TRIM22: variants seen among roughly 807,000 people sequenced by gnomAD.
The protein encoded by TRIM22 is E3 ubiquitin-protein ligase TRIM22.
Under a neutral mutation model 53.6 loss-of-function variants are expected in TRIM22, and 45 were observed. That is an observed-to-expected ratio of 0.84 (90% CI 0.66 to 1.08). The LOEUF (loss-of-function observed/expected upper bound fraction) is 1.08, where lower values mean the gene tolerates loss of function less well. TRIM22 is among the 50% of genes least tolerant of loss of function. TRIM22 has a pLI of 0.00. For synonymous variants in TRIM22, 225 were observed against 216.6 expected, an observed-to-expected ratio of 1.04 and a Z score of -0.34; for missense variants, 616 against 590.9, an observed-to-expected ratio of 1.04 and a Z score of -0.44.
At position 5,696,440 on chromosome 11, in the gene TRIM22, C is replaced by T; in HGVS notation, c.208C>T (p.Pro70Ser). The change falls in exon 2 of 8, where the codon CCT becomes TCT. Residue 70 changes from proline (P) to serine (S), a missense_variant. By Grantham distance (74) the Pro-to-Ser change is moderately conservative (BLOSUM62 -1). Coordinates refer to ENST00000379965, the MANE Select transcript of TRIM22 (RefSeq NM_006074.5). ...CAGATTCCAGCCTGGGAACCTCCGA[C>T]CTAATCGGCATCTGGCCAACATAGT... ...QTRFQPGNLR[P>S]NRHLANIVER... 1 of 1,614,246 alleles carries T rather than the reference C, an allele frequency of 6.2e-7. No homozygotes were observed.
chr11:5,706,702 T>TA, intron 5 of TRIM22, 86 bp downstream of exon 5: 1 of 1,348,196 alleles, frequency 7.4e-7, no homozygotes, highest in Non-Finnish European at 1.0e-6. Flanking sequence ...CAGAACAACT[T>TA]AAAAAATCAA....
chr11:5,703,082 T>C (rs1244957529), intron 4 of TRIM22, among the ~76,000 whole-genome samples: 2 of 152,210 alleles, frequency 1.3e-5, no homozygotes, highest in African/African-American at 4.8e-5. Context: ...ACAGGGAGTA[T>C]ATGTGCAGGT....
intron 4 of TRIM22, among the ~76,000 whole-genome samples, chr11:5,703,478 C>T (rs569145821): frequency 8.6e-5 from 13 of 151,922 alleles, no homozygotes; most frequent in Admixed American, 2.0e-4. Flanking sequence ...CTCTGCTTCC[C>T]GGGTTCAGGC....
At chr11:5,702,205 ATATACATAACTAG>A (rs1249550089) in intron 4 of TRIM22, among the ~76,000 whole-genome samples, 6 of 145,344 alleles carry the variant, frequency 4.1e-5, no homozygotes, top group Non-Finnish European at 7.5e-5. Context: ...TATATATTAT[ATATACATAACTAG>A]TATACATAAC....
chr11:5,700,605 T>TTTTTTTTC lies in TRIM22; in HGVS notation c.750+2060_750+2061insTTTTTTTC, dbSNP rs369811867. Among the ~76,000 whole-genome samples, 114 of 92,912 alleles carry TTTTTTTTC rather than the reference T, an allele frequency of 1.2e-3. 6 individuals are homozygous for TTTTTTTTC. Among genetic ancestry groups the TTTTTTTTC allele is most frequent in the African/African-American group, 1.5e-3 (33 of 22,694 alleles). The allele number at this position is 92,912 out of a possible 152,430, so 61.0% of individuals were successfully genotyped here. On this transcript the variant is annotated intron_variant, in intron 4 of 7. Transcript: ENST00000379965. ...GAGTCTTTTTTTTTTTTTTTTTTTT[T>TTTTTTTTC]CAGATTTGTAATGAAGTTGAGAAAC...
At chr11:5,692,142 C>T (rs926216056) in intron 1 of TRIM22, among the ~76,000 whole-genome samples, 7 of 152,116 alleles carry the variant, frequency 4.6e-5, no homozygotes. Flanking sequence ...AGTAAACCAG[C>T]AGTTTTAATG....
chr11:5,708,692 C>A, intron 7 of TRIM22, 89 bp downstream of exon 7: 1 of 1,185,554 alleles, frequency 8.4e-7, no homozygotes, highest in Non-Finnish European at 1.2e-6. Context: ...TGTTCCTCCC[C>A]AAACATGCTT....
chr11:5,698,112 T>A (rs1853299210), intron 3 of TRIM22: 2 of 544,668 alleles, frequency 3.7e-6, no homozygotes, highest in Non-Finnish European at 6.7e-6. Context: ...TCAATAAAAC[T>A]GACTTGAGTG....
At chr11:5,690,932 C>G (rs1853163112) in intron 1 of TRIM22, 1 of 152,200 alleles carries the variant, frequency 6.6e-6, no homozygotes, top group Non-Finnish European at 1.5e-5. Flanking sequence ...TGAAGGTTAT[C>G]CTTTTACTTG....
chr11:5,699,640 TATGAGTAACA>T (rs1853335073), intron 4 of TRIM22, among the ~76,000 whole-genome samples: 1 of 148,974 alleles, frequency 6.7e-6, no homozygotes, highest in Non-Finnish European at 1.5e-5. Flanking sequence ...ACTCACTTTA[TATGAGTAACA>T]ATACAAAAGC....
intron 2 of TRIM22, 172 bp downstream of exon 2, chr11:5,696,827 C>G: frequency 5.9e-6 from 4 of 673,952 alleles, no homozygotes; most frequent in Non-Finnish European, 9.5e-6. Flanking sequence ...CACTGCTGCA[C>G]ATTGTTTTAT....
At chr11:5,690,561 A>G (rs35926783) in intron 1 of TRIM22, among the ~76,000 whole-genome samples, 12,346 of 152,210 alleles carry the variant, frequency 0.081, 547 homozygotes, top group Middle Eastern at 0.095. Context: ...TGACATGTCT[A>G]GGCATGTAGC....
Position 5,709,737 on chromosome 11 carries a change from C to A in TRIM22, c.*89C>A. The A allele has an allele frequency of 1.8e-6, 2 of 1,113,012 alleles. No individual in the cohort carries two copies. Among genetic ancestry groups the A allele is most frequent in the Non-Finnish European group, 2.6e-6 (2 of 779,204 alleles). 68.9% of individuals were successfully genotyped at this position (1,113,012 alleles called of 1,614,324 possible). A position where few individuals can be genotyped will look rare whatever the true frequency, so the allele number is the denominator to read the frequency against. The stretch of plus-strand genomic sequence containing the variant: ...CTGAGTTCATCTCTACTGAGACCAT[C>A]TCTTCCTTTCTTTCCCCTTCTTTTA... On this transcript the variant is annotated 3_prime_UTR_variant, in exon 8 of 8. Coordinates refer to ENST00000379965, the MANE Select transcript of TRIM22 (RefSeq NM_006074.5).
intron 1 of TRIM22, among the ~76,000 whole-genome samples, chr11:5,694,058 T>C (rs1428150516): frequency 6.6e-6 from 1 of 152,218 alleles, no homozygotes; most frequent in African/African-American, 2.4e-5. Context: ...ATGTCCCTTT[T>C]TGATAAGGAC....
intron 7 of TRIM22, 93 bp downstream of exon 7, chr11:5,708,696 C>A: frequency 3.1e-5 from 32 of 1,042,928 alleles, no homozygotes; most frequent in Non-Finnish European, 4.0e-5. Flanking sequence ...CCTCCCCAAA[C>A]ATGCTTAAAC....
At chr11:5,690,784 C>G (rs577669175) in intron 1 of TRIM22, among the ~76,000 whole-genome samples, 31 of 152,314 alleles carry the variant, frequency 2.0e-4, no homozygotes, top group South Asian at 1.7e-3. Flanking sequence ...CCCGAAGAAG[C>G]CTGTGCAATG....
At chr11:5,704,557 T>C (rs1163300733) in intron 4 of TRIM22, among the ~76,000 whole-genome samples, 2 of 152,222 alleles carry the variant, frequency 1.3e-5, no homozygotes, top group Non-Finnish European at 2.9e-5. Flanking sequence ...GTAAATATGC[T>C]TTCCCATTCT....
rs1337860988 is a variant in TRIM22 at position 5,710,157 on chromosome 11, T to C, written c.*509T>C. ...TATTGGGAATAAAAACTCCAACATA[T>C]AAATTTGAGGAAGGCACGATTTCAC... On this transcript the variant is annotated 3_prime_UTR_variant, in exon 8 of 8. Transcript: ENST00000379965. The C allele has an allele frequency of 6.5e-6, 1 of 152,828 alleles. No homozygotes were observed. The highest frequency in any genetic ancestry group is 1.5e-5 in the Non-Finnish European group (1 of 68,496). The allele number at this position is 152,828 out of a possible 1,614,324, so 9.5% of individuals were successfully genotyped here.
Position 5,696,403 on chromosome 11 carries a change from T to C in TRIM22, c.171T>C (p.Pro57=), listed in dbSNP as rs1853260205. The C allele has an allele frequency of 6.2e-7, 1 of 1,614,242 alleles. No individual in the cohort carries two copies. Among genetic ancestry groups the C allele is most frequent in the Non-Finnish European group, 8.5e-7 (1 of 1,180,050 alleles). The change falls in exon 2 of 8, where the codon CCT becomes CCC. Residue 57 remains proline (P), a synonymous_variant. Coordinates refer to ENST00000379965, the MANE Select transcript of TRIM22 (RefSeq NM_006074.5). Reference sequence around the variant, plus strand: ...TCTCAAGAGGGGAAAGCAGCTGTCCTGTGTGTCAGACCAGATTCCAGCCTG... The same window carrying C: ...TCTCAAGAGGGGAAAGCAGCTGTCCCGTGTGTCAGACCAGATTCCAGCCTG... The part of the protein sequence containing the change: ...VIISRGESSC[P]VCQTRFQPGN...
Sources: allele counts gnomAD v4.1 joint callset (sites outside exome capture counted in the v4.1 genomes callset), GRCh38; gene constraint gnomAD v4.1.1; transcripts MANE v1.5; gene names NCBI Gene and HGNC (gene_info 2026-07-23, HGNC 2026-07-21).